PECR: variants seen among roughly 807,000 people sequenced by gnomAD.
PECR encodes peroxisomal trans-2-enoyl-CoA reductase.
PECR carries 30 observed loss-of-function variants against 35.3 expected under a neutral mutation model. That is an observed-to-expected ratio of 0.85 (90% CI 0.64 to 1.15). The LOEUF is 1.15. Ranked by LOEUF, PECR falls within the 50% of genes most tolerant of loss-of-function variation. The pLI, the probability that PECR is intolerant of heterozygous loss-of-function variation, is 0.00. For synonymous variants in PECR, 148 were observed against 138.9 expected (o/e 1.07, Z -0.46); for missense variants, 392 against 370.8 (o/e 1.06, Z -0.47).
intron 4 of PECR, among the ~76,000 whole-genome samples, chr2:216,052,763 T>G (rs1305447299): frequency 6.6e-6 from 1 of 152,214 alleles, no homozygotes; most frequent in African/African-American, 2.4e-5. Flanking sequence ...TTGGAAAATT[T>G]TCACCCAGTG....
Position 216,039,029 on chromosome 2 carries a change from AAAAGT to A in PECR, c.*241_*245del, listed in dbSNP as rs1401396521. The A allele has an allele frequency of 1.2e-5, 4 of 346,144 alleles. No homozygotes were observed. The highest frequency in any genetic ancestry group is 3.3e-5 in the South Asian group (1 of 29,888). The allele number at this position is 346,144 out of a possible 1,614,324, so 21.4% of individuals were successfully genotyped here. A position where few individuals can be genotyped will look rare whatever the true frequency, so the allele number is the denominator to read the frequency against. On this transcript the variant is annotated 3_prime_UTR_variant, in exon 8 of 8. Transcript: ENST00000265322. ...TTTTCAAATACTTTTCTTAGAAATAAAAAGTAAAGTCATTAAAATATGTTAATTTC... is the reference window on the plus strand; with the variant it reads ...TTTTCAAATACTTTTCTTAGAAATAAAAAGTCATTAAAATATGTTAATTTC...
downstream of PECR, among the ~76,000 whole-genome samples, chr2:216,034,257 G>A (rs1309251087): frequency 6.6e-6 from 1 of 152,216 alleles, no homozygotes; most frequent in Non-Finnish European, 1.5e-5. Flanking sequence ...TAGCCAAATG[G>A]CAGCCATGAA....
rs56826697 is a variant in PECR at position 216,043,053 on chromosome 2, A to G, written c.826+851T>C. Among the ~76,000 whole-genome samples the G allele has an allele frequency of 1.0e-2, 1,246 of 124,764 alleles. 72 individuals are homozygous for G. The highest frequency in any genetic ancestry group is 0.024 in the African/African-American group (767 of 32,486). The allele number at this position is 124,764 out of a possible 152,430, so 81.9% of individuals were successfully genotyped here. A position where few individuals can be genotyped will look rare whatever the true frequency, so the allele number is the denominator to read the frequency against. On this transcript the variant is annotated intron_variant, in intron 7 of 7. Coordinates refer to ENST00000265322, the MANE Select transcript of PECR (RefSeq NM_018441.6). The stretch of plus-strand genomic sequence containing the variant: ...TATATGTATGTGTATATATATATAC[A>G]CATACGTATATATGTATGTATATAT...
chr2:216,030,390 A>G (rs1250460910), intron 7 of PECR, among the ~76,000 whole-genome samples: 1 of 152,210 alleles, frequency 6.6e-6, no homozygotes, highest in Non-Finnish European at 1.5e-5. Flanking sequence ...TGACCTGTTC[A>G]TGCCAGTTTC....
chr2:216,065,456 T>C lies in PECR; in HGVS notation c.280A>G (p.Thr94Ala). ...EEEVNNLVKSTLDTFGKINFL... is the reference protein window; with the variant it reads ...EEEVNNLVKSALDTFGKINFL... ...TTGATCTTACCAAAAGTATCTAAGG[T>C]AGATTTGACCAAATTATTCACCTAA... The change falls in exon 3 of 8, where the codon ACC becomes GCC. Residue 94 changes from threonine (T) to alanine (A), a missense_variant. Physicochemically the swap from Thr to Ala is moderately conservative, Grantham distance 58. Coordinates refer to ENST00000265322, the MANE Select transcript of PECR (RefSeq NM_018441.6). The C allele has an allele frequency of 6.2e-7, 1 of 1,604,742 alleles. No individual in the cohort carries two copies. The highest frequency in any genetic ancestry group is 8.5e-7 in the Non-Finnish European group (1 of 1,171,464).
intron 4 of PECR, chr2:216,057,754 T>A (rs1273285745): frequency 2.0e-5 from 3 of 152,112 alleles, no homozygotes; most frequent in Admixed American, 2.0e-4. Flanking sequence ...TGACCACAGT[T>A]CCTCATTCCT....
intron 3 of PECR, among the ~76,000 whole-genome samples, chr2:216,060,001 T>C (rs1695302856): frequency 6.6e-6 from 1 of 152,240 alleles, no homozygotes; most frequent in Non-Finnish European, 1.5e-5. Flanking sequence ...ATTAACAATA[T>C]TGGACCTTCT....
intron 7 of PECR, among the ~76,000 whole-genome samples, chr2:216,042,369 C>T (rs76801937): frequency 0.043 from 6,547 of 152,130 alleles, 375 homozygotes; most frequent in African/African-American, 0.12. Flanking sequence ...CATTTATTAA[C>T]GCAAAAAAGG....
intron 4 of PECR, among the ~76,000 whole-genome samples, chr2:216,052,864 G>A (rs949071597): frequency 4.0e-5 from 6 of 151,818 alleles, no homozygotes; most frequent in African/African-American, 7.3e-5. Flanking sequence ...TTTGTTTTTT[G>A]TGTTTTTCAG....
intron 7 of PECR, among the ~76,000 whole-genome samples, chr2:216,041,307 T>C (rs6435932): frequency 0.56 from 85,115 of 152,064 alleles, 24,348 homozygotes; most frequent in Admixed American, 0.62. Context: ...GACTGAAGTC[T>C]ACTGTGAGAG....
chr2:216,062,053 T>TTTC (rs1158539969), intron 3 of PECR, among the ~76,000 whole-genome samples: 2 of 135,986 alleles, frequency 1.5e-5, no homozygotes, highest in Admixed American at 7.4e-5. Flanking sequence ...GCGTGGTGAA[T>TTTC]TTTTTTTTTT....
chr2:216,050,968 CAA>C (rs1297521181), intron 5 of PECR: 1 of 152,112 alleles, frequency 6.6e-6, no homozygotes. Context: ...GGCTGTAAAT[CAA>C]AGAGTACTTC....
intron 6 of PECR, among the ~76,000 whole-genome samples, chr2:216,047,475 G>A (rs537011928): frequency 2.0e-5 from 3 of 151,980 alleles, no homozygotes; most frequent in South Asian, 2.1e-4. Flanking sequence ...ATTACTAAAC[G>A]GCCAAATGCC....
At chr2:216,056,721 CAGAAAAAAAA>C (rs1429252296) in intron 4 of PECR, among the ~76,000 whole-genome samples, 66 of 93,298 alleles carry the variant, frequency 7.1e-4, no homozygotes, top group African/African-American at 2.9e-3. Context: ...AACTCCATCT[CAGAAAAAAAA>C]AAAAAAAAAA....
At chr2:216,063,421 C>A (rs1695398352) in intron 3 of PECR, among the ~76,000 whole-genome samples, 1 of 152,024 alleles carries the variant, frequency 6.6e-6, no homozygotes, top group South Asian at 2.1e-4. Flanking sequence ...AGATGGAGAC[C>A]ATCCTGGCCA....
chr2:216,045,915 C>T (rs931502139), intron 6 of PECR, among the ~76,000 whole-genome samples: 2 of 152,136 alleles, frequency 1.3e-5, no homozygotes, highest in Non-Finnish European at 1.5e-5. Flanking sequence ...CGGTGGCTCA[C>T]GCCTGTAATC....
chr2:216,053,723 A>G (rs932223732), intron 4 of PECR, among the ~76,000 whole-genome samples: 3 of 152,102 alleles, frequency 2.0e-5, no homozygotes, highest in Non-Finnish European at 4.4e-5. Context: ...TGCTCAACCT[A>G]TATTTGTGTA....
chr2:216,068,334 A>G (rs1432701842), intron 1 of PECR, among the ~76,000 whole-genome samples: 1 of 152,024 alleles, frequency 6.6e-6, no homozygotes, highest in Non-Finnish European at 1.5e-5. Flanking sequence ...GAAAAACAAC[A>G]CATTAAGTAT....
At chr2:216,049,458 T>G in intron 5 of PECR, 85 bp from the exon 6 acceptor site, 1 of 664,522 alleles carries the variant, frequency 1.5e-6, no homozygotes, top group Non-Finnish European at 2.7e-6. Flanking sequence ...TCTACTGGCA[T>G]TTCAAACATT....
Sources: gnomAD v4.1 joint callset for allele counts (sites outside exome capture counted in the v4.1 genomes callset) on GRCh38, gnomAD v4.1.1 for gene constraint, MANE v1.5 for transcripts, NCBI Gene and HGNC (gene_info 2026-07-23, HGNC 2026-07-21) for gene names.